Variants in RAPGEF1 observed in about 807,000 individuals in gnomAD.
RAPGEF1 encodes Rap guanine nucleotide exchange factor 1.
RAPGEF1 carries 33 observed loss-of-function variants against 143.3 expected under a neutral mutation model. The ratio of observed to expected loss-of-function variants is 0.23; its 90% CI spans 0.17 to 0.31. RAPGEF1 has a LOEUF of 0.31. Ranked by LOEUF, RAPGEF1 falls within the 10% of genes least tolerant of loss-of-function variation. RAPGEF1 has a pLI of 1.00. For missense variants in RAPGEF1, 1,199 were observed against 1,645.4 expected, an observed-to-expected ratio of 0.73 and a Z score of 4.69; for synonymous variants, 629 against 676.5, an observed-to-expected ratio of 0.93 and a Z score of 1.09.
chr9:131,590,401 G>A (rs1564465994), intron 18 of RAPGEF1, among the ~76,000 whole-genome samples: 1 of 152,168 alleles, frequency 6.6e-6, no homozygotes, highest in African/African-American at 2.4e-5. Flanking sequence ...TCTCCCTCCA[G>A]TCTTTCTGTG....
Position 131,588,908 on chromosome 9 carries a change from G to A in RAPGEF1, c.2946C>T (p.Ser982=), listed in dbSNP as rs1953676953. The A allele has an allele frequency of 1.9e-6, 3 of 1,613,834 alleles. No homozygotes were observed. Among genetic ancestry groups the A allele is most frequent in the Non-Finnish European group, 1.7e-6 (2 of 1,179,878 alleles). The part of the protein sequence containing the change: ...VFRLVCNGEL[S]LARVLRKNIL... ...TGTTCTTCCGGAGCACACGGGCCAG[G>A]CTCAGCTCCCCATTGCACACCAGGC... Residue 982 remains serine (S), a synonymous_variant, in exon 20 of 27, where the codon AGC becomes AGT. Coordinates refer to ENST00000683357, the MANE Select transcript of RAPGEF1 (RefSeq NM_001377935.1).
intron 1 of RAPGEF1, among the ~76,000 whole-genome samples, chr9:131,668,274 C>A (rs1436480710): frequency 6.6e-6 from 1 of 152,108 alleles, no homozygotes. Flanking sequence ...GCTTCCCTCC[C>A]GGAGCCCAAT....
At chr9:131,728,373 G>T (rs184043250) in intron 1 of RAPGEF1, among the ~76,000 whole-genome samples, 1 of 152,168 alleles carries the variant, frequency 6.6e-6, no homozygotes, top group Non-Finnish European at 1.5e-5. Flanking sequence ...AAGTCACCCC[G>T]CAAGGAGAAA....
intron 13 of RAPGEF1, among the ~76,000 whole-genome samples, chr9:131,604,461 C>G (rs1270261902): frequency 6.6e-6 from 1 of 152,242 alleles, no homozygotes; most frequent in Non-Finnish European, 1.5e-5. Flanking sequence ...GCGCTACAGG[C>G]ACTTTAACAG....
chr9:131,662,885 T>G (rs1216082786), intron 1 of RAPGEF1, among the ~76,000 whole-genome samples: 1 of 152,078 alleles, frequency 6.6e-6, no homozygotes, highest in Non-Finnish European at 1.5e-5. Flanking sequence ...CCTAGGCTGG[T>G]CTCGAGCTCC....
chr9:131,675,308 CAG>C lies in RAPGEF1; in HGVS notation c.62-24361_62-24360del. ...GGTCAGCTGAACAGGTGACCTGACT[CAG>C]GGAGGGCAAGAGCCAGGGGCTGGGC... On this transcript the variant is annotated intron_variant, in intron 1 of 26. Coordinates refer to ENST00000683357, the MANE Select transcript of RAPGEF1 (RefSeq NM_001377935.1). The surrounding 1 kb of genome is among the most constrained non-coding windows in gnomAD (Gnocchi z 4.6). Among the ~76,000 whole-genome samples the C allele has an allele frequency of 6.6e-6, 1 of 152,244 alleles. No homozygotes were observed. Among genetic ancestry groups the C allele is most frequent in the South Asian group, 2.1e-4 (1 of 4,812 alleles).
chr9:131,603,123 C>T (rs764466071), intron 14 of RAPGEF1, among the ~76,000 whole-genome samples: 8 of 152,210 alleles, frequency 5.3e-5, no homozygotes, highest in Non-Finnish European at 1.2e-4. Context: ...TGAAACAGGG[C>T]TGGCTCTGGG....
chr9:131,627,213 C>CAAAAAAAAAAAAAA lies in RAPGEF1; in HGVS notation c.1201+686_1201+699dup, dbSNP rs10690802. On this transcript the variant is annotated intron_variant, in intron 9 of 26. Transcript: ENST00000683357. ...TGGGTGACAGAGTGAGGCTCTGTCT[C>CAAAAAAAAAAAAAA]AAAAAAAAAAAAAAAAAAAAAAAAA... is the stretch of plus-strand genomic sequence containing the variant. 8.6e-4 allele frequency among the ~76,000 whole-genome samples: 84 copies of CAAAAAAAAAAAAAA among 97,386 alleles called. 2 individuals carry two copies. The highest frequency in any genetic ancestry group is 3.1e-3 in the East Asian group (8 of 2,612). 63.9% of individuals were successfully genotyped at this position (97,386 alleles called of 152,430 possible). A position where few individuals can be genotyped will look rare whatever the true frequency, so the allele number is the denominator to read the frequency against.
intron 17 of RAPGEF1, 148 bp from the exon 18 acceptor site, chr9:131,592,331 C>T: frequency 3.2e-6 from 2 of 615,956 alleles, no homozygotes. Context: ...GCTTGGGAAC[C>T]CCCTCTGGTG....
chr9:131,579,727 C>A, intron 26 of RAPGEF1, 80 bp from the exon 27 acceptor site: 2 of 1,463,670 alleles, frequency 1.4e-6, no homozygotes, highest in Non-Finnish European at 9.3e-7. Flanking sequence ...CTGGAAGGTG[C>A]CGCGGGGACC....
intron 17 of RAPGEF1, among the ~76,000 whole-genome samples, chr9:131,596,025 C>T (rs1385402515): frequency 6.6e-6 from 1 of 152,216 alleles, no homozygotes; most frequent in East Asian, 1.9e-4. Flanking sequence ...GTCTGTGGTG[C>T]GCTTAGTATG....
intron 1 of RAPGEF1, among the ~76,000 whole-genome samples, chr9:131,734,418 G>A (rs750298962): frequency 4.6e-5 from 7 of 152,194 alleles, no homozygotes; most frequent in Admixed American, 6.5e-5. Context: ...GTTCAAGATC[G>A]TTCTGATTCT....
intron 1 of RAPGEF1, among the ~76,000 whole-genome samples, chr9:131,669,869 T>C (rs1156927797): frequency 1.3e-5 from 2 of 152,310 alleles, no homozygotes; most frequent in Admixed American, 6.5e-5. Flanking sequence ...CAGTCAAATG[T>C]ATTGGCCCCC....
At chr9:131,625,871 C>T (rs897797448) in intron 10 of RAPGEF1, 51 bp downstream of exon 10, 8 of 1,503,926 alleles carry the variant, frequency 5.3e-6, no homozygotes, top group African/African-American at 1.4e-5. Flanking sequence ...AACATACTGC[C>T]ATTTCAGGTT....
Position 131,634,692 on chromosome 9 carries a change from A to G in RAPGEF1, c.651+3943T>C, listed in dbSNP as rs1254197949. On this transcript the variant is annotated intron_variant, in intron 5 of 26. Coordinates refer to ENST00000683357, the MANE Select transcript of RAPGEF1 (RefSeq NM_001377935.1). Reference sequence around the variant, plus strand: ...CATGCCATTGCACTCCAGCCTGGGCAACAAGAGTGAGACTCCGTCTCAAAA... The same window carrying G: ...CATGCCATTGCACTCCAGCCTGGGCGACAAGAGTGAGACTCCGTCTCAAAA... Among the ~76,000 whole-genome samples the G allele has an allele frequency of 2.8e-5, 4 of 144,948 alleles. 1 individual carries two copies. The highest frequency in any genetic ancestry group is 1.0e-4 in the African/African-American group (4 of 38,984).
rs1956900080 is a variant in RAPGEF1, at chr9:131,605,104, A to C, written c.2146T>G (p.Ser716Ala). 7.3e-7 allele frequency: 1 copy of C among 1,364,960 alleles called. No individual in the cohort carries two copies. The highest frequency in any genetic ancestry group is 1.9e-5 in the Admixed American group (1 of 52,326). The allele number at this position is 1,364,960 out of a possible 1,614,324, so 84.6% of individuals were successfully genotyped here. Residue 716 changes from serine (S) to alanine (A), a missense_variant, in exon 13 of 27, where the codon TCT becomes GCT. Ser to Ala is a moderately conservative substitution (Grantham distance 99). Coordinates refer to ENST00000683357, the MANE Select transcript of RAPGEF1 (RefSeq NM_001377935.1). Reference sequence around the variant, plus strand: ...GCAGGTGGGAAATGTGGAGAGGAAGAGGAGGTAGGCGGAAGGAAAGGCGGA... The same window carrying C: ...GCAGGTGGGAAATGTGGAGAGGAAGCGGAGGTAGGCGGAAGGAAAGGCGGA... ...SVPPFLPPTS[S>A]SSPHFPPAHQ...
chr9:131,657,960 G>T (rs1972964299), intron 1 of RAPGEF1, among the ~76,000 whole-genome samples: 2 of 152,212 alleles, frequency 1.3e-5, no homozygotes, highest in Non-Finnish European at 2.9e-5. Context: ...TGACACTCAG[G>T]CATGCTGGGG....
At chr9:131,690,756 C>T (rs1833730248) in intron 1 of RAPGEF1, among the ~76,000 whole-genome samples, 1 of 152,136 alleles carries the variant, frequency 6.6e-6, no homozygotes, top group Non-Finnish European at 1.5e-5. Context: ...TGTGCCACTG[C>T]ACTCCAGTGT....
At chr9:131,684,028 G>T (rs141304421) in intron 1 of RAPGEF1, among the ~76,000 whole-genome samples, 41 of 152,350 alleles carry the variant, frequency 2.7e-4, no homozygotes, top group African/African-American at 9.9e-4. Context: ...TCTAATGCTA[G>T]ACACTTTCAC....
Sources: allele counts gnomAD v4.1 joint callset (sites outside exome capture counted in the v4.1 genomes callset), GRCh38; gene constraint gnomAD v4.1.1; non-coding constraint Gnocchi (gnomAD v3.1); transcripts MANE v1.5; gene names NCBI Gene and HGNC (gene_info 2026-07-23, HGNC 2026-07-21).